TP53BP1: variants seen among roughly 807,000 people sequenced by gnomAD.
TP53BP1 encodes TP53-binding protein 1.
Under a neutral mutation model 200.8 loss-of-function variants are expected in TP53BP1, and 61 were observed. That is an observed-to-expected ratio of 0.30 (90% CI 0.25 to 0.38). The LOEUF (loss-of-function observed/expected upper bound fraction) is 0.38. TP53BP1 is among the 10% of genes least tolerant of loss of function. TP53BP1 has a pLI of 1.00. For missense variants in TP53BP1, 2,144 were observed against 2,371.9 expected, an observed-to-expected ratio of 0.90 and a Z score of 2.00; for synonymous variants, 822 against 844.3, an observed-to-expected ratio of 0.97 and a Z score of 0.46.
At chr15:43,484,643 A>G (rs1004548088) in intron 4 of TP53BP1, among the ~76,000 whole-genome samples, 1 of 152,000 alleles carries the variant, frequency 6.6e-6, no homozygotes, top group Non-Finnish European at 1.5e-5. Context: ...CCTCCCTGCT[A>G]TTTCTCAAAT....
At chr15:43,434,279 T>A (rs1040233441) in intron 16 of TP53BP1, among the ~76,000 whole-genome samples, 21 of 152,210 alleles carry the variant, frequency 1.4e-4, no homozygotes, top group African/African-American at 4.8e-4. Context: ...CAATATTAGA[T>A]GCATAAGACA....
At chr15:43,432,769 A>G (rs2045702076) in intron 16 of TP53BP1, 92 bp from the exon 17 acceptor site, 3 of 1,364,890 alleles carry the variant, frequency 2.2e-6, no homozygotes, top group East Asian at 4.6e-5. Flanking sequence ...GTGTAGTGGC[A>G]AGGGGGGAGC....
intron 23 of TP53BP1, 193 bp downstream of exon 23, chr15:43,415,401 T>C (rs1338150541): frequency 1.4e-6 from 1 of 708,548 alleles, no homozygotes; most frequent in Non-Finnish European, 2.5e-6. Flanking sequence ...CTACCCGCAC[T>C]AGAGTCTGTA....
intron 1 of TP53BP1, among the ~76,000 whole-genome samples, chr15:43,508,532 CTGAGG>C (rs2079250941): frequency 6.6e-6 from 1 of 152,182 alleles, no homozygotes; most frequent in Non-Finnish European, 1.5e-5. Context: ...ACTCCAGAGG[CTGAGG>C]TGCAAGGATC....
intron 8 of TP53BP1, 142 bp from the exon 9 acceptor site, chr15:43,475,836 A>T: frequency 9.9e-7 from 1 of 1,014,044 alleles, no homozygotes; most frequent in Non-Finnish European, 1.4e-6. Flanking sequence ...TTCTAATTAT[A>T]GTACAACGAA....
chr15:43,427,342 T>C (rs964837757), intron 18 of TP53BP1, among the ~76,000 whole-genome samples: 5 of 152,202 alleles, frequency 3.3e-5, no homozygotes, highest in Non-Finnish European at 7.3e-5. Context: ...CATGAAAATA[T>C]GTGAGAAAAC....
intron 21 of TP53BP1, among the ~76,000 whole-genome samples, chr15:43,419,753 G>A (rs1271040665): frequency 6.6e-6 from 1 of 151,800 alleles, no homozygotes; most frequent in East Asian, 1.9e-4. Flanking sequence ...AATCCAAATG[G>A]AGGGACATTC....
chr15:43,414,016 C>A, intron 23 of TP53BP1: 1 of 417,538 alleles, frequency 2.4e-6, no homozygotes, highest in Non-Finnish European at 4.9e-6. Flanking sequence ...CAAGAGTGCC[C>A]CCAATAAGTC....
chr15:43,413,040 G>T, intron 24 of TP53BP1, 79 bp downstream of exon 24: 1 of 1,397,626 alleles, frequency 7.2e-7, no homozygotes, highest in Non-Finnish European at 1.0e-6. Flanking sequence ...ATACAACAGG[G>T]GGACCACCAG....
Position 43,441,563 on chromosome 15 carries a change from T to C in TP53BP1, c.3061A>G (p.Lys1021Glu), listed in dbSNP as rs762432024. 6.2e-7 allele frequency: 1 copy of C among 1,613,568 alleles called. No homozygotes were observed. Among genetic ancestry groups the C allele is most frequent in the South Asian group, 1.1e-5 (1 of 91,074 alleles). The change falls in exon 15 of 28, where the codon AAA becomes GAA. Residue 1021 changes from lysine (K) to glutamate (E), a missense_variant. By Grantham distance (56) the Lys-to-Glu change is moderately conservative. Coordinates refer to ENST00000382044, the MANE Select transcript of TP53BP1 (RefSeq NM_001141980.3). ...NLEKPATGER[K>E]NGSTAVAESV... ...TCAGCAACAGCAGTAGATCCATTTT[T>C]TCTTTCACCAGTTGCAGGCTCTGAA...
At chr15:43,509,700 T>C (rs2079260638) in intron 1 of TP53BP1, among the ~76,000 whole-genome samples, 8 of 152,224 alleles carry the variant, frequency 5.3e-5, no homozygotes, top group Admixed American at 5.2e-4. Flanking sequence ...TGGGCCACTG[T>C]GCCCGGCCGC....
At chr15:43,423,657 C>CAA (rs34954998) in intron 18 of TP53BP1, among the ~76,000 whole-genome samples, 1 of 110,360 alleles carries the variant, frequency 9.1e-6, no homozygotes, top group Non-Finnish European at 2.1e-5. Flanking sequence ...GACTCCACCT[C>CAA]AAAAAAAAAA....
At chr15:43,419,945 T>G (rs2045356389) in intron 21 of TP53BP1, among the ~76,000 whole-genome samples, 1 of 152,214 alleles carries the variant, frequency 6.6e-6, no homozygotes. Flanking sequence ...TCTAAAGTTT[T>G]GTGAATAGTA....
chr15:43,429,752 C>T (rs2045629407), intron 17 of TP53BP1, among the ~76,000 whole-genome samples: 1 of 152,202 alleles, frequency 6.6e-6, no homozygotes, highest in African/African-American at 2.4e-5. Context: ...CATACTTCTA[C>T]ACAGACACAA....
At chr15:43,415,549 T>C (rs1223732639) in intron 23 of TP53BP1, 45 bp downstream of exon 23, 1 of 1,597,560 alleles carries the variant, frequency 6.3e-7, no homozygotes, top group African/African-American at 1.3e-5. Flanking sequence ...GACCCTGCAT[T>C]CTGCCATGGT....
chr15:43,505,570 T>C (rs569657959), intron 1 of TP53BP1, among the ~76,000 whole-genome samples: 1 of 152,212 alleles, frequency 6.6e-6, no homozygotes, highest in African/African-American at 2.4e-5. Context: ...AATTTCTTCA[T>C]TGTCCTTTGC....
chr15:43,446,600 G>C lies in TP53BP1; in HGVS notation c.2837-10C>G. 1 of 1,609,162 alleles carries C rather than the reference G, an allele frequency of 6.2e-7. No individual in the cohort carries two copies. Among genetic ancestry groups the C allele is most frequent in the East Asian group, 2.2e-5 (1 of 44,794 alleles). On this transcript the variant is annotated splice_polypyrimidine_tract_variant and intron_variant, in intron 13 of 27. Coordinates refer to ENST00000382044, the MANE Select transcript of TP53BP1 (RefSeq NM_001141980.3). Reference sequence around the variant, plus strand: ...GGATAGTTGCTAATACCTGAAAGAAGTGAGGCAGGGAGGAAGAAAAAAAGA... The same window carrying C: ...GGATAGTTGCTAATACCTGAAAGAACTGAGGCAGGGAGGAAGAAAAAAAGA...
chr15:43,410,518 T>C (rs1047866491), intron 24 of TP53BP1, among the ~76,000 whole-genome samples: 3 of 152,024 alleles, frequency 2.0e-5, no homozygotes, highest in Non-Finnish European at 4.4e-5. Context: ...GAGCTTGTTT[T>C]CTTGTCATCT....
chr15:43,510,612 C>T (rs1362994292), exon 1 of TP53BP1: 1 of 242,318 alleles, frequency 4.1e-6, no homozygotes, highest in Non-Finnish European at 8.0e-6. Context: ...GATGGCTCCC[C>T]TCAGTTCGGG....
Sources: gnomAD v4.1 joint callset for allele counts (sites outside exome capture counted in the v4.1 genomes callset) on GRCh38, gnomAD v4.1.1 for gene constraint, MANE v1.5 for transcripts, NCBI Gene and HGNC (gene_info 2026-07-23, HGNC 2026-07-21) for gene names.